Variants in TMEM108 observed in about 807,000 individuals in gnomAD.
TMEM108 encodes the protein cancer/testis antigen 124.
TMEM108 carries 12 observed loss-of-function variants against 35.1 expected under a neutral mutation model. That is an observed-to-expected ratio of 0.34 (90% confidence interval 0.22 to 0.55). The LOEUF (loss-of-function observed/expected upper bound fraction) is 0.55. TMEM108 is among the 20% of genes least tolerant of loss of function. The pLI, the probability that TMEM108 is intolerant of heterozygous loss-of-function variation, is 0.89. For synonymous variants in TMEM108, 287 were observed against 308.6 expected (o/e 0.93, Z 0.73); for missense variants, 680 against 753.3 (o/e 0.90, Z 1.14).
At chr3:133,258,777 G>A (rs1322264020) in intron 3 of TMEM108, among the ~76,000 whole-genome samples, 3 of 152,214 alleles carry the variant, frequency 2.0e-5, no homozygotes, top group Non-Finnish European at 4.4e-5. Context: ...GGAACCAGGT[G>A]AGCATACCTC....
chr3:133,082,827 A>G (rs948472761), intron 2 of TMEM108, among the ~76,000 whole-genome samples: 13 of 151,886 alleles, frequency 8.6e-5, no homozygotes, highest in African/African-American at 2.9e-4. Context: ...AATTTTTAAA[A>G]TTGTTTTATA....
In TMEM108 at chr3:133,379,971, G is replaced by A. The variant is rs745430893; in HGVS notation, c.260G>A (p.Arg87His). 1.3e-5 allele frequency: 21 copies of A among 1,613,052 alleles called. No individual in the cohort carries two copies. The highest frequency in any genetic ancestry group is 6.7e-5 in the Admixed American group (4 of 59,902). ...GCTCCCATGGCAACACCGACACCCC[G>A]TGCAGAGGGGCACCCTCCTACGCAC... is the stretch of plus-strand genomic sequence containing the variant. ...AAAPMATPTP[R>H]AEGHPPTHTI... Residue 87 changes from arginine (R) to histidine (H), a missense_variant, in exon 4 of 6, where the codon CGT becomes CAT. By Grantham distance (29) the Arg-to-His change is conservative. Coordinates refer to ENST00000321871, the MANE Select transcript of TMEM108 (RefSeq NM_023943.4).
intron 3 of TMEM108, among the ~76,000 whole-genome samples, chr3:133,235,313 G>T (rs1946219005): frequency 6.6e-6 from 1 of 152,048 alleles, no homozygotes; most frequent in South Asian, 2.1e-4. Context: ...TAAGCCAAAA[G>T]AACAAAGCTG....
At chr3:133,290,158 T>C (rs1947042819) in intron 3 of TMEM108, among the ~76,000 whole-genome samples, 1 of 152,100 alleles carries the variant, frequency 6.6e-6, no homozygotes, top group South Asian at 2.1e-4. Context: ...GGATAGGAAA[T>C]GTGGAGGGCA....
At chr3:133,248,911 T>A (rs1946424799) in intron 3 of TMEM108, among the ~76,000 whole-genome samples, 1 of 152,194 alleles carries the variant, frequency 6.6e-6, no homozygotes, top group South Asian at 2.1e-4. Context: ...TTAGCCTTCA[T>A]CTAGCCCTCA....
intron 3 of TMEM108, among the ~76,000 whole-genome samples, chr3:133,330,418 A>G (rs183511413): frequency 2.7e-4 from 41 of 152,278 alleles, no homozygotes; most frequent in Admixed American, 2.6e-3. Flanking sequence ...GGGTGTGTAT[A>G]TATGTGTGTG....
At position 133,346,143 on chromosome 3, in the gene TMEM108, G is replaced by C. The variant is rs929440112; in HGVS notation, c.41-33609G>C. 1.3e-4 allele frequency among the ~76,000 whole-genome samples: 19 copies of C among 151,748 alleles called. No homozygotes were observed. Among genetic ancestry groups the C allele is most frequent in the Non-Finnish European group, 2.7e-4 (18 of 67,820 alleles). On this transcript the variant is annotated intron_variant, in intron 3 of 5. Coordinates refer to ENST00000321871, the MANE Select transcript of TMEM108 (RefSeq NM_023943.4). The surrounding 1 kb of genome is among the most constrained non-coding windows in gnomAD (Gnocchi z 4.0). ...TGAACTTAAATTTTCAATTCATTTAGGTAAATACCTAGGAGCACAATTACT... is the reference window on the plus strand; with the variant it reads ...TGAACTTAAATTTTCAATTCATTTACGTAAATACCTAGGAGCACAATTACT...
At chr3:133,293,165 A>G (rs988735278) in intron 3 of TMEM108, among the ~76,000 whole-genome samples, 4 of 152,020 alleles carry the variant, frequency 2.6e-5, no homozygotes, top group African/African-American at 9.7e-5. Flanking sequence ...ATTCTCATTG[A>G]TAGAGTATTC....
At chr3:133,115,470 G>A (rs1449132754) in intron 2 of TMEM108, among the ~76,000 whole-genome samples, 1 of 152,188 alleles carries the variant, frequency 6.6e-6, no homozygotes, top group African/African-American at 2.4e-5. Context: ...AGGAAACTGA[G>A]GTTCAAAGAG....
intron 2 of TMEM108, among the ~76,000 whole-genome samples, chr3:133,181,156 G>A (rs748530595): frequency 3.3e-5 from 5 of 151,726 alleles, no homozygotes; most frequent in Non-Finnish European, 5.9e-5. Context: ...GTCATCATCA[G>A]CCTCGTTATT....
intron 2 of TMEM108, among the ~76,000 whole-genome samples, chr3:133,118,055 T>G (rs1038746708): frequency 1.3e-5 from 2 of 152,082 alleles, no homozygotes; most frequent in Admixed American, 6.6e-5. Flanking sequence ...TTTGGGGAGT[T>G]GGTAGAGTAC....
chr3:133,063,798 C>T (rs1206971169), intron 2 of TMEM108, among the ~76,000 whole-genome samples: 2 of 152,036 alleles, frequency 1.3e-5, no homozygotes, highest in Non-Finnish European at 2.9e-5. Context: ...TGGTCTTATA[C>T]AGAGCACATA....
intron 2 of TMEM108, among the ~76,000 whole-genome samples, chr3:133,169,512 G>C (rs1945096876): frequency 6.6e-6 from 1 of 152,224 alleles, no homozygotes; most frequent in Non-Finnish European, 1.5e-5. Flanking sequence ...GCAGATTTCT[G>C]AGCCTCAGCC....
intron 2 of TMEM108, among the ~76,000 whole-genome samples, chr3:133,132,633 A>G (rs553092964): frequency 9.2e-5 from 14 of 152,308 alleles, no homozygotes; most frequent in Non-Finnish European, 1.6e-4. Flanking sequence ...CATGTCTGCT[A>G]ATGCAACATT....
At chr3:133,043,121 G>A (rs1277056563) in intron 1 of TMEM108, among the ~76,000 whole-genome samples, 1 of 152,184 alleles carries the variant, frequency 6.6e-6, no homozygotes, top group East Asian at 1.9e-4. Context: ...CATCCTAGAA[G>A]AATCATTCCT....
chr3:133,229,024 T>C (rs1946114209), intron 2 of TMEM108, among the ~76,000 whole-genome samples: 1 of 152,192 alleles, frequency 6.6e-6, no homozygotes, highest in South Asian at 2.1e-4. Context: ...AGATTCTCAC[T>C]AGCTACCCCT....
intron 2 of TMEM108, among the ~76,000 whole-genome samples, chr3:133,055,300 T>A (rs1345191374): frequency 6.6e-6 from 1 of 152,196 alleles, no homozygotes; most frequent in Non-Finnish European, 1.5e-5. Context: ...AGTGAAAGAT[T>A]AACTCAAATT....
intron 2 of TMEM108, among the ~76,000 whole-genome samples, chr3:133,212,340 T>C (rs544766660): frequency 6.6e-6 from 1 of 152,274 alleles, no homozygotes; most frequent in East Asian, 1.9e-4. Flanking sequence ...ATTTTCTGTT[T>C]TCTTAAGAAA....
At chr3:133,069,041 A>G (rs1943645449) in intron 2 of TMEM108, among the ~76,000 whole-genome samples, 1 of 152,194 alleles carries the variant, frequency 6.6e-6, no homozygotes, top group Admixed American at 6.6e-5. Flanking sequence ...AGGCTGGGAA[A>G]TGAATTTAGA....
Sources: allele counts gnomAD v4.1 joint callset (sites outside exome capture counted in the v4.1 genomes callset), GRCh38; gene constraint gnomAD v4.1.1; non-coding constraint Gnocchi (gnomAD v3.1); transcripts MANE v1.5; gene names NCBI Gene and HGNC (gene_info 2026-07-23, HGNC 2026-07-21).